PLEKHA5: variants seen among roughly 807,000 people sequenced by gnomAD.
PLEKHA5 encodes pleckstrin homology domain containing A5.
Under a neutral mutation model 181.9 loss-of-function variants are expected in PLEKHA5, and 55 were observed. That is an observed-to-expected ratio of 0.30 (90% CI 0.24 to 0.38). The LOEUF (loss-of-function observed/expected upper bound fraction) is 0.38, where lower values mean the gene tolerates loss of function less well. Ranked by LOEUF, PLEKHA5 falls within the 10% of genes least tolerant of loss-of-function variation. The pLI is 1.00. For synonymous variants in PLEKHA5, 535 were observed against 529.4 expected (o/e 1.01, Z -0.15); for missense variants, 1,432 against 1,549.5 (o/e 0.92, Z 1.27).
chr12:19,303,102 A>G (rs1492120), intron 15 of PLEKHA5, among the ~76,000 whole-genome samples: 22,800 of 150,968 alleles, frequency 0.15, 1,962 homozygotes, highest in Middle Eastern at 0.28. Context: ...TTGCATTTTT[A>G]GTAGAGACGG....
chr12:19,293,967 C>G (rs2079119217), intron 15 of PLEKHA5, among the ~76,000 whole-genome samples: 1 of 152,166 alleles, frequency 6.6e-6, no homozygotes, highest in Non-Finnish European at 1.5e-5. Context: ...TTGATCTTCT[C>G]TATTCTCTCA....
At chr12:19,248,648 A>G (rs1755660223) in intron 3 of PLEKHA5, among the ~76,000 whole-genome samples, 1 of 152,166 alleles carries the variant, frequency 6.6e-6, no homozygotes, top group South Asian at 2.1e-4. Flanking sequence ...ATATATAAAT[A>G]TATTTTCTAT....
At chr12:19,348,282 C>A (rs2094435765) in intron 24 of PLEKHA5, 117 bp from the exon 25 acceptor site, 3 of 709,528 alleles carry the variant, frequency 4.2e-6, no homozygotes, top group African/African-American at 3.8e-5. Flanking sequence ...TGTGTTATAT[C>A]CCAGATGGCT....
chr12:19,254,753 G>T (rs1326963729), intron 4 of PLEKHA5, among the ~76,000 whole-genome samples: 1 of 152,190 alleles, frequency 6.6e-6, no homozygotes, highest in Non-Finnish European at 1.5e-5. Flanking sequence ...AACCTGGGAG[G>T]CAGATTCTAC....
chr12:19,242,209 T>C (rs1041260064), intron 3 of PLEKHA5, among the ~76,000 whole-genome samples: 16 of 150,936 alleles, frequency 1.1e-4, no homozygotes, highest in Non-Finnish European at 2.2e-4. Flanking sequence ...TTAAAAGGTG[T>C]TCATTTTGTA....
chr12:19,239,033 A>C (rs2152435349), intron 3 of PLEKHA5, among the ~76,000 whole-genome samples: 1 of 152,256 alleles, frequency 6.6e-6, no homozygotes, highest in Middle Eastern at 3.4e-3. Context: ...ACTCAGATGG[A>C]ATAGTATTTC....
At chr12:19,142,053 G>C (rs140503066) in intron 3 of PLEKHA5, among the ~76,000 whole-genome samples, 67 of 152,244 alleles carry the variant, frequency 4.4e-4, no homozygotes, top group African/African-American at 1.6e-3. Context: ...TAAAGTGGTT[G>C]AAGTTGCATA....
At chr12:19,242,337 C>A (rs2062805944) in intron 3 of PLEKHA5, among the ~76,000 whole-genome samples, 1 of 151,860 alleles carries the variant, frequency 6.6e-6, no homozygotes, top group Non-Finnish European at 1.5e-5. Context: ...GTCCTGGGTT[C>A]AAGCAATACT....
intron 28 of PLEKHA5, among the ~76,000 whole-genome samples, chr12:19,361,252 C>T (rs1002495076): frequency 6.6e-6 from 1 of 152,120 alleles, no homozygotes; most frequent in Non-Finnish European, 1.5e-5. Context: ...CCGCGATCTC[C>T]GCTCACTGCA....
At chr12:19,372,255 T>C (rs148808928) in intron 31 of PLEKHA5, 5,486 of 152,300 alleles carry the variant, frequency 0.036, 153 homozygotes, top group Non-Finnish European at 0.052. Context: ...CACCTCGGCC[T>C]CCCAAAGTGC....
At chr12:19,371,624 CT>C (rs1199763798) in intron 31 of PLEKHA5, 1 of 172,718 alleles carries the variant, frequency 5.8e-6, no homozygotes, top group Non-Finnish European at 1.2e-5. Flanking sequence ...ATCCAAGTTG[CT>C]GCAAAATACA....
At chr12:19,304,535 C>T (rs1446289366) in intron 15 of PLEKHA5, among the ~76,000 whole-genome samples, 1 of 152,130 alleles carries the variant, frequency 6.6e-6, no homozygotes, top group Non-Finnish European at 1.5e-5. Context: ...TCATCTGGAC[C>T]TTGAAAAATT....
Position 19,182,048 on chromosome 12 carries a change from G to A in PLEKHA5, c.227+49598G>A, listed in dbSNP as rs546835432. ...CTTATGGTTTCAGTAGTTATTTTTA[G>A]CAGCAAACAGTTATGTTTTTTAAAG... is the stretch of plus-strand genomic sequence containing the variant. On this transcript the variant is annotated intron_variant, in intron 3 of 31. Coordinates refer to ENST00000429027, the MANE Select transcript of PLEKHA5 (RefSeq NM_001256470.2). Among the ~76,000 whole-genome samples the A allele has an allele frequency of 3.3e-5, 5 of 152,196 alleles. No homozygotes were observed. In the East Asian group the frequency reaches 7.7e-4, roughly 24 times the overall value.
intron 10 of PLEKHA5, among the ~76,000 whole-genome samples, chr12:19,271,633 A>G (rs1251749112): frequency 6.6e-6 from 1 of 152,240 alleles, no homozygotes; most frequent in African/African-American, 2.4e-5. Flanking sequence ...TGTATATTAT[A>G]CTTTTCTCAG....
intron 3 of PLEKHA5, among the ~76,000 whole-genome samples, chr12:19,210,801 A>G (rs1462060575): frequency 6.6e-6 from 1 of 152,180 alleles, no homozygotes; most frequent in Non-Finnish European, 1.5e-5. Flanking sequence ...TTATAGAGCA[A>G]AGGATGTGAA....
Position 19,246,436 on chromosome 12 carries a change from A to G in PLEKHA5, c.228-7504A>G, listed in dbSNP as rs562634381. The stretch of plus-strand genomic sequence containing the variant: ...TCAGGAGTTTGAGACCAGCCTGGCT[A>G]TGATGGTGAAACCGCATCTCTACTA... On this transcript the variant is annotated intron_variant, in intron 3 of 31. Coordinates refer to ENST00000429027, the MANE Select transcript of PLEKHA5 (RefSeq NM_001256470.2). Among the ~76,000 whole-genome samples the G allele has an allele frequency of 8.6e-5, 13 of 151,922 alleles. No homozygotes were observed. The South Asian group carries it at 2.7e-3, about 32-fold the overall frequency.
At chr12:19,209,943 CA>C (rs1175033808) in intron 3 of PLEKHA5, among the ~76,000 whole-genome samples, 1 of 152,152 alleles carries the variant, frequency 6.6e-6, no homozygotes, top group African/African-American at 2.4e-5. Context: ...TCTCATCAAA[CA>C]AAGGAATTTT....
intron 3 of PLEKHA5, among the ~76,000 whole-genome samples, chr12:19,219,582 A>G (rs1179462930): frequency 6.6e-6 from 1 of 150,664 alleles, no homozygotes; most frequent in Non-Finnish European, 1.5e-5. Context: ...GTTACTATAC[A>G]TTGAATACTT....
At chr12:19,267,400 G>C (rs987854346) in intron 8 of PLEKHA5, among the ~76,000 whole-genome samples, 1 of 152,202 alleles carries the variant, frequency 6.6e-6, no homozygotes, top group Non-Finnish European at 1.5e-5. Flanking sequence ...GCTCATGCCT[G>C]TAATCCCAGC....
Sources: gnomAD v4.1 joint callset for allele counts (sites outside exome capture counted in the v4.1 genomes callset) on GRCh38, gnomAD v4.1.1 for gene constraint, MANE v1.5 for transcripts, NCBI Gene and HGNC (gene_info 2026-07-23, HGNC 2026-07-21) for gene names.